SMOC2: variants seen among roughly 807,000 people sequenced by gnomAD.
SMOC2 encodes the protein SPARC related modular calcium binding 2.
SMOC2 carries 39 observed loss-of-function variants against 61.4 expected under a neutral mutation model. That is an observed-to-expected ratio of 0.64 (90% CI 0.49 to 0.83). The LOEUF is 0.83. Ranked by LOEUF, SMOC2 falls within the 40% of genes least tolerant of loss-of-function variation. The pLI, the probability that SMOC2 is intolerant of heterozygous loss-of-function variation, is 0.00. For missense variants in SMOC2, 556 were observed against 592.9 expected, an observed-to-expected ratio of 0.94 and a Z score of 0.65; for synonymous variants, 247 against 239.9, an observed-to-expected ratio of 1.03 and a Z score of -0.27.
intron 1 of SMOC2, among the ~76,000 whole-genome samples, chr6:168,467,181 ACG>A (rs1781859564): frequency 6.8e-6 from 1 of 146,620 alleles, no homozygotes; most frequent in Non-Finnish European, 1.5e-5. Context: ...ACACACACAC[ACG>A]TTTATTTCGA....
chr6:168,462,381 G>A (rs1781736020), intron 1 of SMOC2, among the ~76,000 whole-genome samples: 1 of 152,200 alleles, frequency 6.6e-6, no homozygotes, highest in Non-Finnish European at 1.5e-5. Context: ...GAGTCTGTAT[G>A]TTGAATTATC....
chr6:168,481,532 GAGAA>G (rs1198032921), intron 1 of SMOC2, among the ~76,000 whole-genome samples: 12 of 152,034 alleles, frequency 7.9e-5, no homozygotes, highest in African/African-American at 2.6e-4. Context: ...GAAAGGAAGT[GAGAA>G]AGAAATTTAA....
At chr6:168,611,146 T>C (rs1785849388) in intron 9 of SMOC2, among the ~76,000 whole-genome samples, 1 of 152,264 alleles carries the variant, frequency 6.6e-6, no homozygotes, top group African/African-American at 2.4e-5. Flanking sequence ...ACCAGGCACT[T>C]GCATTGAGCT....
At chr6:168,652,096 T>A (rs1787209393) in intron 10 of SMOC2, among the ~76,000 whole-genome samples, 1 of 152,132 alleles carries the variant, frequency 6.6e-6, no homozygotes, top group Admixed American at 6.5e-5. Context: ...ATTTCAACTT[T>A]ACATCTTCTA....
chr6:168,599,581 A>ACACACACCCACACACACATCCCCC (rs138811685), intron 8 of SMOC2, among the ~76,000 whole-genome samples: 1 of 31,650 alleles, frequency 3.2e-5, no homozygotes, highest in Non-Finnish European at 4.9e-5. Flanking sequence ...CACTCATACC[A>ACACACACCCACACACACATCCCCC]CACACACCCA....
Position 168,581,182 on chromosome 6 carries a change from G to A in SMOC2, c.638-17636G>A, listed in dbSNP as rs1435411034. Among the ~76,000 whole-genome samples, 3 of 151,984 alleles carry A rather than the reference G, an allele frequency of 2.0e-5. No homozygotes were observed. The East Asian group carries it at 5.8e-4, about 29-fold the overall frequency. On this transcript the variant is annotated intron_variant, in intron 7 of 12. Coordinates refer to ENST00000356284, the MANE Select transcript of SMOC2 (RefSeq NM_001166412.2). ...GTCTAGAAAATCAAATACTAAAGGG[G>A]CACTTTTAAAATTTTATATTTTATT...
chr6:168,657,141 G>C (rs1325707321), intron 11 of SMOC2, among the ~76,000 whole-genome samples: 1 of 152,246 alleles, frequency 6.6e-6, no homozygotes, highest in African/African-American at 2.4e-5. Flanking sequence ...CACTAAATGT[G>C]CTGCCAAGGT....
intron 1 of SMOC2, among the ~76,000 whole-genome samples, chr6:168,484,401 A>T (rs1782282279): frequency 1.3e-5 from 2 of 152,206 alleles, no homozygotes; most frequent in African/African-American, 4.8e-5. Flanking sequence ...GTGCCAACCC[A>T]CACCCATTAT....
At chr6:168,639,549 A>C (rs1473124855) in intron 9 of SMOC2, among the ~76,000 whole-genome samples, 3 of 152,128 alleles carry the variant, frequency 2.0e-5, no homozygotes, top group Admixed American at 6.5e-5. Context: ...ATATACAGTA[A>C]ATTATTTTTA....
chr6:168,631,796 C>G (rs919871303), intron 9 of SMOC2, among the ~76,000 whole-genome samples: 3 of 152,130 alleles, frequency 2.0e-5, no homozygotes, highest in Non-Finnish European at 4.4e-5. Context: ...CCATTACAGC[C>G]TTTGATTATG....
At chr6:168,465,527 C>T (rs1159634397) in intron 1 of SMOC2, among the ~76,000 whole-genome samples, 1 of 150,258 alleles carries the variant, frequency 6.7e-6, no homozygotes, top group Non-Finnish European at 1.5e-5. Context: ...CAGTAGGAAT[C>T]ATTCTGGGTG....
intron 9 of SMOC2, among the ~76,000 whole-genome samples, chr6:168,623,329 A>ATTTTTTTTTTTTTTTTT (rs11284179): frequency 7.7e-6 from 1 of 129,108 alleles, no homozygotes. Flanking sequence ...TGGATAATTA[A>ATTTTTTTTTTTTTTTTT]TTTTTTTTTT....
chr6:168,575,875 C>G (rs1261296010), intron 7 of SMOC2, among the ~76,000 whole-genome samples: 1 of 152,166 alleles, frequency 6.6e-6, no homozygotes, highest in Non-Finnish European at 1.5e-5. Flanking sequence ...GGATCATCCT[C>G]CACCATTGTG....
intron 4 of SMOC2, among the ~76,000 whole-genome samples, chr6:168,537,823 C>T (rs959109472): frequency 2.3e-4 from 35 of 150,544 alleles, no homozygotes; most frequent in Admixed American, 6.6e-5. Flanking sequence ...TCTGTCAGCA[C>T]GAAGGGGAAA....
intron 7 of SMOC2, among the ~76,000 whole-genome samples, chr6:168,565,745 C>T (rs1784526366): frequency 6.6e-6 from 1 of 152,178 alleles, no homozygotes; most frequent in Admixed American, 6.5e-5. Context: ...TTGACGGCAC[C>T]ACCAACGCCA....
At chr6:168,643,270 A>C (rs1786938482) in intron 9 of SMOC2, among the ~76,000 whole-genome samples, 1 of 152,170 alleles carries the variant, frequency 6.6e-6, no homozygotes, top group African/African-American at 2.4e-5. Context: ...AGATTGTGTC[A>C]CTTCTCAGAT....
rs116028186 is a variant in SMOC2, at chr6:168,525,610, G to A, written c.257-736G>A. Among the ~76,000 whole-genome samples the A allele has an allele frequency of 5.6e-3, 859 of 152,278 alleles. 9 individuals are homozygous for A. The highest frequency in any genetic ancestry group is 0.018 in the African/African-American group (745 of 41,548). The stretch of plus-strand genomic sequence containing the variant: ...TCTTAAGTAGTAGCAGTGACGTTGC[G>A]CCTTCTGTGAAATCTGTGTTGTTGG... On this transcript the variant is annotated intron_variant, in intron 2 of 12. Transcript: ENST00000356284.
At chr6:168,551,324 A>G (rs1784123291) in intron 7 of SMOC2, among the ~76,000 whole-genome samples, 1 of 152,240 alleles carries the variant, frequency 6.6e-6, no homozygotes, top group Admixed American at 6.5e-5. Context: ...AAATGGACTA[A>G]TACATTGGTA....
At chr6:168,498,055 G>A (rs546167289) in intron 1 of SMOC2, among the ~76,000 whole-genome samples, 2 of 152,276 alleles carry the variant, frequency 1.3e-5, no homozygotes, top group South Asian at 4.2e-4. Flanking sequence ...GCATGAGTGG[G>A]AGACAGGTGA....
Sources: gnomAD v4.1 joint callset for allele counts (sites outside exome capture counted in the v4.1 genomes callset) on GRCh38, gnomAD v4.1.1 for gene constraint, MANE v1.5 for transcripts, NCBI Gene and HGNC (gene_info 2026-07-23, HGNC 2026-07-21) for gene names.